RBFOX1: variants seen among roughly 807,000 people sequenced by gnomAD.
The protein encoded by RBFOX1 is RNA binding protein fox-1 homolog 1.
Under a neutral mutation model 57.7 loss-of-function variants are expected in RBFOX1, and 8 were observed. The observed-to-expected ratio is 0.14, with a 90% CI of 0.08 to 0.25. The LOEUF (loss-of-function observed/expected upper bound fraction) is 0.25. RBFOX1 is among the 10% of genes least tolerant of loss of function. The pLI is 1.00. For missense variants in RBFOX1, 611 were observed against 548.5 expected, an observed-to-expected ratio of 1.11 and a Z score of -1.14; for synonymous variants, 326 against 222.4, an observed-to-expected ratio of 1.47 and a Z score of -4.15.
At chr16:7,354,792 G>C (rs903833417) in intron 4 of RBFOX1, among the ~76,000 whole-genome samples, 2 of 152,166 alleles carry the variant, frequency 1.3e-5, no homozygotes, top group African/African-American at 4.8e-5. Context: ...CATTTTCAGT[G>C]CCTAGGAGCT....
intron 4 of RBFOX1, among the ~76,000 whole-genome samples, chr16:6,003,007 T>C (rs1218117432): frequency 1.3e-5 from 2 of 152,050 alleles, no homozygotes; most frequent in African/African-American, 4.8e-5. Flanking sequence ...AGACTGGGCG[T>C]GGTGGCTCAT....
At chr16:7,645,744 A>C (rs1256767163) in intron 11 of RBFOX1, among the ~76,000 whole-genome samples, 4 of 152,252 alleles carry the variant, frequency 2.6e-5, no homozygotes, top group Admixed American at 6.5e-5. Flanking sequence ...CTGTTTGTCC[A>C]AAATGTAGAT....
At chr16:6,758,989 C>T (rs933533908) in intron 3 of RBFOX1, among the ~76,000 whole-genome samples, 6 of 152,070 alleles carry the variant, frequency 3.9e-5, no homozygotes, top group African/African-American at 7.2e-5. Context: ...GAACTTAAAT[C>T]TATTCAGACA....
At chr16:7,432,133 C>G (rs1034818309) in intron 4 of RBFOX1, among the ~76,000 whole-genome samples, 7 of 152,220 alleles carry the variant, frequency 4.6e-5, no homozygotes, top group Non-Finnish European at 1.0e-4. Context: ...GGTCATCCAA[C>G]TCATTGTCAG....
intron 3 of RBFOX1, among the ~76,000 whole-genome samples, chr16:5,630,044 A>G (rs2048457024): frequency 6.6e-6 from 1 of 152,174 alleles, no homozygotes; most frequent in Non-Finnish European, 1.5e-5. Context: ...ATCAATGCAG[A>G]TACATATCAG....
At chr16:5,534,203 G>C (rs1488567653) in intron 2 of RBFOX1, among the ~76,000 whole-genome samples, 1 of 152,170 alleles carries the variant, frequency 6.6e-6, no homozygotes, top group Non-Finnish European at 1.5e-5. Context: ...GGCATTTTCA[G>C]CTTTAGTGGT....
At chr16:6,701,135 ATG>A (rs111800744) in intron 3 of RBFOX1, among the ~76,000 whole-genome samples, 40 of 148,910 alleles carry the variant, frequency 2.7e-4, no homozygotes, top group Admixed American at 5.3e-4. Context: ...CTGTGTGTGT[ATG>A]TGTGTGTGTG....
chr16:5,664,510 G>A (rs1163184616), intron 3 of RBFOX1, among the ~76,000 whole-genome samples: 3 of 151,956 alleles, frequency 2.0e-5, no homozygotes, highest in African/African-American at 7.3e-5. Flanking sequence ...TTGCATCACT[G>A]CACTCCAGCC....
At chr16:6,876,546 T>C (rs1489271736) in intron 3 of RBFOX1, among the ~76,000 whole-genome samples, 1 of 152,142 alleles carries the variant, frequency 6.6e-6, no homozygotes, top group East Asian at 1.9e-4. Context: ...TTGCAAAAAA[T>C]TAAGTCACTT....
At chr16:7,068,534 AT>A (rs1379538077) in intron 4 of RBFOX1, among the ~76,000 whole-genome samples, 1 of 152,160 alleles carries the variant, frequency 6.6e-6, no homozygotes, top group Non-Finnish European at 1.5e-5. Context: ...CAAAAGAAGC[AT>A]TGTTAGAATG....
At chr16:5,961,311 T>C (rs1389335109) in intron 4 of RBFOX1, among the ~76,000 whole-genome samples, 1 of 152,190 alleles carries the variant, frequency 6.6e-6, no homozygotes, top group Non-Finnish European at 1.5e-5. Flanking sequence ...CTACTTATCA[T>C]TATTCCATAT....
In RBFOX1 at chr16:6,907,981, T is replaced by A. The variant is rs558479030; in HGVS notation, c.-15-144076T>A. ...AGTTCTCCCCGTGAGCATGGATGTC[T>A]CTGTGTCTCTATTTTCCCTTTTAGT... On this transcript the variant is annotated intron_variant, in intron 3 of 15. Coordinates refer to ENST00000550418, the MANE Select transcript of RBFOX1 (RefSeq NM_018723.4). 4.4e-4 allele frequency among the ~76,000 whole-genome samples: 67 copies of A among 151,834 alleles called. 2 individuals are homozygous for A. Among genetic ancestry groups the A allele is most frequent in the Non-Finnish European group, 7.4e-4 (50 of 67,764 alleles).
intron 1 of RBFOX1, among the ~76,000 whole-genome samples, chr16:5,311,815 T>G (rs77121111): frequency 6.2e-4 from 95 of 152,338 alleles, no homozygotes; most frequent in African/African-American, 2.1e-3. Context: ...GGCCTCTTGT[T>G]GCTGTCAATC....
chr16:5,462,555 A>G (rs1462884951), intron 1 of RBFOX1, among the ~76,000 whole-genome samples: 1 of 152,214 alleles, frequency 6.6e-6, no homozygotes, highest in Non-Finnish European at 1.5e-5. Flanking sequence ...ACCAGAGTAT[A>G]AAGTGGCCCT....
intron 3 of RBFOX1, among the ~76,000 whole-genome samples, chr16:5,667,201 T>C (rs902691211): frequency 2.0e-5 from 3 of 152,252 alleles, no homozygotes; most frequent in African/African-American, 7.2e-5. Context: ...CTCTTTATTA[T>C]GTTTTTGTAT....
At chr16:7,213,789 C>G (rs896426924) in intron 4 of RBFOX1, among the ~76,000 whole-genome samples, 1 of 152,176 alleles carries the variant, frequency 6.6e-6, no homozygotes. Flanking sequence ...CTCAAATCTA[C>G]TTAATGTCAA....
intron 3 of RBFOX1, among the ~76,000 whole-genome samples, chr16:5,710,010 C>T (rs1025984872): frequency 6.6e-6 from 1 of 150,756 alleles, no homozygotes; most frequent in African/African-American, 2.4e-5. Flanking sequence ...TTGGGTTCTA[C>T]AGCCTGTACG....
intron 4 of RBFOX1, among the ~76,000 whole-genome samples, chr16:7,460,234 C>A (rs941678725): frequency 6.6e-6 from 1 of 151,304 alleles, no homozygotes; most frequent in Non-Finnish European, 1.5e-5. Flanking sequence ...ACTGCAACAC[C>A]CAGAAGAAGA....
chr16:5,752,538 G>C (rs1414781484), intron 3 of RBFOX1, among the ~76,000 whole-genome samples: 1 of 152,144 alleles, frequency 6.6e-6, no homozygotes, highest in Non-Finnish European at 1.5e-5. Flanking sequence ...CTGTGATACT[G>C]TGCTTTCCAG....
Sources: gnomAD v4.1 joint callset for allele counts (sites outside exome capture counted in the v4.1 genomes callset) on GRCh38, gnomAD v4.1.1 for gene constraint, MANE v1.5 for transcripts, NCBI Gene and HGNC (gene_info 2026-07-23, HGNC 2026-07-21) for gene names.